The following NAGPA variants were observed in gnomAD, a reference collection of about 807,000 sequenced individuals.
NAGPA encodes N-acetylglucosamine-1-phosphodiester alpha-N-acetylglucosaminidase, also known as alpha-N-acetylglucosaminyl phosphodiesterase.
Under a neutral mutation model 48.5 loss-of-function variants are expected in NAGPA, and 56 were observed. That is an observed-to-expected ratio of 1.15 (90% CI 0.93 to 1.44). NAGPA has a LOEUF of 1.44. Ranked by LOEUF, NAGPA falls within the 40% of genes most tolerant of loss-of-function variation. The pLI, the probability that NAGPA is intolerant of heterozygous loss-of-function variation, is 0.00. For missense variants in NAGPA, 888 were observed against 735.0 expected, an observed-to-expected ratio of 1.21 and a Z score of -2.41; for synonymous variants, 399 against 315.5, an observed-to-expected ratio of 1.26 and a Z score of -2.81.
Position 5,033,732 on chromosome 16 carries a change from C to T in NAGPA, c.87-4G>A. On this transcript the variant is annotated splice_polypyrimidine_tract_variant and splice_region_variant and intron_variant, in intron 1 of 9. Transcript: ENST00000312251. This position sits in a 1 kb window ranked among gnomAD's most constrained non-coding sequence, Gnocchi z 4.2. ...CAAGTCGTCGTCGCGGGAGGCCCTG[C>T]GGGGACGGGCGGCCGTGAGCTCAGG... 1 of 1,601,230 alleles carries T rather than the reference C, an allele frequency of 6.2e-7. No individual in the cohort carries two copies. The highest frequency in any genetic ancestry group is 1.1e-5 in the South Asian group (1 of 89,660).
intron 7 of NAGPA, among the ~76,000 whole-genome samples, chr16:5,027,642 G>C (rs962858902): frequency 6.6e-6 from 1 of 152,186 alleles, no homozygotes; most frequent in African/African-American, 2.4e-5. Flanking sequence ...AGAGCCCGGG[G>C]ACCCTTGTTT....
intron 2 of NAGPA, chr16:5,032,987 T>C (rs1052813153): frequency 4.1e-5 from 23 of 555,858 alleles, no homozygotes; most frequent in Admixed American, 9.8e-5. Flanking sequence ...TGTTAGCTAT[T>C]TACCCGGCTT....
rs531587258 is a variant in NAGPA, at chr16:5,028,363, C to T, written c.921-178G>A. On this transcript the variant is annotated intron_variant, in intron 5 of 9. Coordinates refer to ENST00000312251, the MANE Select transcript of NAGPA (RefSeq NM_016256.4). ...GATCCTTCCACCCGAGCCTCCTGAG[C>T]AGCTGTAACCGTAAGGTGTGCACCA... is the stretch of plus-strand genomic sequence containing the variant. The T allele has an allele frequency of 1.7e-4, 204 of 1,230,040 alleles. 4 individuals carry two copies. The South Asian group carries it at 2.5e-3, about 15-fold the overall frequency. The allele number at this position is 1,230,040 out of a possible 1,614,324, so 76.2% of individuals were successfully genotyped here.
At chr16:5,028,557 C>T in intron 5 of NAGPA, 1 of 557,126 alleles carries the variant, frequency 1.8e-6, no homozygotes, top group South Asian at 1.9e-5. Context: ...TTATAGGTTC[C>T]TCCGCTCCCT....
chr16:5,028,756 G>A lies in NAGPA; in HGVS notation c.920+124C>T, dbSNP rs954776545. 7 of 1,498,370 alleles carry A rather than the reference G, an allele frequency of 4.7e-6. No homozygotes were observed. In the African/African-American group the frequency reaches 5.5e-5, roughly 12 times the overall value. The allele number at this position is 1,498,370 out of a possible 1,614,324, so 92.8% of individuals were successfully genotyped here. On this transcript the variant is annotated intron_variant, in intron 5 of 9. Coordinates refer to ENST00000312251, the MANE Select transcript of NAGPA (RefSeq NM_016256.4). The stretch of plus-strand genomic sequence containing the variant: ...CTGGCATCCTGGGGGAGGGACTGCA[G>A]CAATTTCTGCTCTCTTGAACCCCCG...
chr16:5,033,412 C>G lies in NAGPA; in HGVS notation c.403G>C (p.Ala135Pro), dbSNP rs772119932. 3 of 1,596,532 alleles carry G rather than the reference C, an allele frequency of 1.9e-6. No homozygotes were observed. The highest frequency in any genetic ancestry group is 2.5e-6 in the Non-Finnish European group (3 of 1,179,172). Residue 135 changes from alanine to proline, a missense_variant, in exon 2 of 10, where the codon GCC becomes CCC. By Grantham distance (27) the Ala-to-Pro change is conservative. Coordinates refer to ENST00000312251, the MANE Select transcript of NAGPA (RefSeq NM_016256.4). The surrounding 1 kb of genome is among the most constrained non-coding windows in gnomAD (Gnocchi z 4.2). ...ETARAADCRV[A>P]QNGGFFRMNS... ...ATGCGGAAGAAGCCGCCGTTCTGGG[C>G]GACACGGCAGTCGGCCGCCCGCGCC...
At chr16:5,030,776 A>T in intron 3 of NAGPA, 1 of 490,140 alleles carries the variant, frequency 2.0e-6, no homozygotes, top group Non-Finnish European at 3.7e-6. Context: ...TGCCCTCCCC[A>T]GCCTCTTCCT....
Position 5,033,281 on chromosome 16 carries a change from C to A in NAGPA, c.534G>T (p.Leu178=). The change falls in exon 2 of 10, where the codon CTG becomes CTT. Residue 178 remains leucine (L), a synonymous_variant. Coordinates refer to ENST00000312251, the MANE Select transcript of NAGPA (RefSeq NM_016256.4). The surrounding 1 kb of genome is among the most constrained non-coding windows in gnomAD (Gnocchi z 4.2). ...AQFGIRRDGT[L]VTGYLSEEEV... is the part of the protein sequence containing the mutation. ...GCTCCCTGCCTCCTCACCCGGTGAC[C>A]AGGGTCCCGTCGCGGCGGATCCCGA... 6.3e-7 allele frequency: 1 copy of A among 1,593,818 alleles called. No individual in the cohort carries two copies. The highest frequency in any genetic ancestry group is 8.5e-7 in the Non-Finnish European group (1 of 1,178,168).
At chr16:5,030,034 C>A (rs1392506478) in intron 4 of NAGPA, 6 of 430,422 alleles carry the variant, frequency 1.4e-5, no homozygotes, top group Non-Finnish European at 2.6e-5. Flanking sequence ...AGAAATGAGG[C>A]TCAGGGAGGC....
Position 5,025,254 on chromosome 16 carries a change from G to A in NAGPA, c.*224C>T, listed in dbSNP as rs1596657583. The A allele has an allele frequency of 1.6e-6, 1 of 606,836 alleles. No individual in the cohort carries two copies. The highest frequency in any genetic ancestry group is 2.8e-5 in the East Asian group (1 of 35,728). The allele number at this position is 606,836 out of a possible 1,614,324, so 37.6% of individuals were successfully genotyped here. A position where few individuals can be genotyped will look rare whatever the true frequency, so the allele number is the denominator to read the frequency against. On this transcript the variant is annotated 3_prime_UTR_variant, in exon 10 of 10. Transcript: ENST00000312251. ...GCAGACACAGGCAGGCCAGAAGCAGGCAGCTGAGCCTCTCCAGCGAGCATG... is the reference window on the plus strand; with the variant it reads ...GCAGACACAGGCAGGCCAGAAGCAGACAGCTGAGCCTCTCCAGCGAGCATG...
rs781132322 is a variant in NAGPA at position 5,028,987 on chromosome 16, C to T, written c.813G>A (p.Ala271=). ...CCACGTCCTGTTTCAGCAGGAACTC[C>T]GCCATTTCCCACAGGTTGATGCTGC... ...EQRGINLWEM[A]EFLLKQDVVN... The change falls in exon 5 of 10, where the codon GCG becomes GCA. Residue 271 remains alanine, a synonymous_variant. Transcript: ENST00000312251. The T allele has an allele frequency of 8.8e-5, 142 of 1,613,606 alleles. No homozygotes were observed. The highest frequency in any genetic ancestry group is 1.1e-4 in the Non-Finnish European group (131 of 1,180,042).
chr16:5,027,446 T>C, intron 7 of NAGPA, 67 bp from the exon 8 acceptor site: 1 of 1,519,196 alleles, frequency 6.6e-7, no homozygotes, highest in Non-Finnish European at 9.1e-7. Context: ...GTCAGAGCCT[T>C]TCTCGACAGG....
chr16:5,033,221 C>T lies in NAGPA; in HGVS notation c.542+52G>A, dbSNP rs988572082. ...TTGAACACGGAGGCACGGCTACAACCCAAATCTCAGGCCCTCTGCCCTCGA... is the reference window on the plus strand; with the variant it reads ...TTGAACACGGAGGCACGGCTACAACTCAAATCTCAGGCCCTCTGCCCTCGA... On this transcript the variant is annotated intron_variant, in intron 2 of 9. Transcript: ENST00000312251. The surrounding 1 kb of genome is among the most constrained non-coding windows in gnomAD (Gnocchi z 4.2). The T allele has an allele frequency of 6.5e-6, 10 of 1,545,416 alleles. No homozygotes were observed. Among genetic ancestry groups the T allele is most frequent in the Admixed American group, 3.8e-5 (2 of 52,772 alleles).
chr16:5,027,897 C>T lies in NAGPA; in HGVS notation c.1127-4G>A, dbSNP rs112052299. On this transcript the variant is annotated splice_region_variant and splice_polypyrimidine_tract_variant and intron_variant, in intron 6 of 9. Transcript: ENST00000312251. ...CCGGCATCACAGCGGCAGCCGGCTG[C>T]CGAGACAAGACCGGGGAGGCCAGGT... 1 of 1,600,368 alleles carries T rather than the reference C, an allele frequency of 6.2e-7. No homozygotes were observed. The highest frequency in any genetic ancestry group is 8.5e-7 in the Non-Finnish European group (1 of 1,173,978).
At position 5,031,876 on chromosome 16, in the gene NAGPA, G is replaced by C; in HGVS notation, c.551C>G (p.Ser184Cys). The C allele has an allele frequency of 6.2e-7, 1 of 1,614,100 alleles. No individual in the cohort carries two copies. The highest frequency in any genetic ancestry group is 8.5e-7 in the Non-Finnish European group (1 of 1,180,006). ...CTCAGTGTCCAGCACCTCCTCCTCA[G>C]ACAGGTACCTGGATCCGGGGAAGGT... ...RDGTLVTGYLSEEEVLDTENP... is the reference protein window; with the variant it reads ...RDGTLVTGYLCEEEVLDTENP... Residue 184 changes from serine to cysteine, a missense_variant, in exon 3 of 10, where the codon TCT becomes TGT. By Grantham distance (112) the Ser-to-Cys change is moderately radical. Coordinates refer to ENST00000312251, the MANE Select transcript of NAGPA (RefSeq NM_016256.4).
At position 5,027,892 on chromosome 16, in the gene NAGPA, G is replaced by A. The variant is rs371773129; in HGVS notation, c.1128C>T (p.Thr376=). Residue 376 remains threonine (T), a splice_region_variant and synonymous_variant, in exon 7 of 10, where the codon ACC becomes ACT. Transcript: ENST00000312251. ...TCCATCCGGCATCACAGCGGCAGCC[G>A]GCTGCCGAGACAAGACCGGGGAGGC... The part of the protein sequence containing the change: ...NCSQHGLCTE[T]GCRCDAGWTG... 40 of 1,595,370 alleles carry A rather than the reference G, an allele frequency of 2.5e-5. No individual in the cohort carries two copies. The highest frequency in any genetic ancestry group is 1.7e-4 in the Middle Eastern group (1 of 6,046).
At chr16:5,030,304 C>T in intron 4 of NAGPA, 81 bp downstream of exon 4, 1 of 1,301,752 alleles carries the variant, frequency 7.7e-7, no homozygotes, top group Non-Finnish European at 1.1e-6. Flanking sequence ...CAGGTAGAGT[C>T]AGAGGGTGGC....
chr16:5,032,944 T>A, intron 2 of NAGPA: 2 of 435,406 alleles, frequency 4.6e-6, no homozygotes, highest in East Asian at 9.3e-5. Context: ...ACCCCGTTGG[T>A]TGCTTTGCTG....
At position 5,027,800 on chromosome 16, in the gene NAGPA, C is replaced by T. The variant is rs367560744; in HGVS notation, c.1174+46G>A. The T allele has an allele frequency of 6.7e-5, 104 of 1,549,190 alleles. No homozygotes were observed. The African/African-American group carries it at 9.6e-4, about 14-fold the overall frequency. On this transcript the variant is annotated intron_variant, in intron 7 of 9. Coordinates refer to ENST00000312251, the MANE Select transcript of NAGPA (RefSeq NM_016256.4). The stretch of plus-strand genomic sequence containing the variant: ...GCAGCAGAGGAGCAGTGGGGGCTGC[C>T]GGGGGCCACCGTCTCCCCATCCGCT...
Sources: gnomAD v4.1 joint callset for allele counts (sites outside exome capture counted in the v4.1 genomes callset) on GRCh38, gnomAD v4.1.1 for gene constraint, Gnocchi (gnomAD v3.1) non-coding constraint, MANE v1.5 for transcripts, NCBI Gene and HGNC (gene_info 2026-07-23, HGNC 2026-07-21) for gene names.